Variants in ADAMTSL1 observed in about 807,000 individuals in gnomAD.
ADAMTSL1 encodes the protein ADAMTS-like protein 1.
ADAMTSL1 carries 126 observed loss-of-function variants against 201.8 expected under a neutral mutation model. The ratio of observed to expected loss-of-function variants is 0.62; its 90% CI spans 0.54 to 0.72. The LOEUF (loss-of-function observed/expected upper bound fraction) is 0.72. ADAMTSL1 is among the 30% of genes least tolerant of loss of function. ADAMTSL1 has a pLI of 0.00. For missense variants in ADAMTSL1, 2,679 were observed against 2,277.8 expected (o/e 1.18, Z -3.59); for synonymous variants, 1,121 against 903.4 (o/e 1.24, Z -4.32).
At chr9:18,855,356 C>G (rs1175442183) in intron 23 of ADAMTSL1, among the ~76,000 whole-genome samples, 1 of 152,084 alleles carries the variant, frequency 6.6e-6, no homozygotes, top group African/African-American at 2.4e-5. Flanking sequence ...AGGTAACATT[C>G]CTGAAAATAG....
chr9:18,244,692 C>T (rs1831191678), intron 2 of ADAMTSL1, among the ~76,000 whole-genome samples: 1 of 152,128 alleles, frequency 6.6e-6, no homozygotes, highest in Non-Finnish European at 1.5e-5. Flanking sequence ...TTGGTACATT[C>T]CAATTTTCTG....
chr9:18,433,311 C>G (rs1819579257), intron 2 of ADAMTSL1, among the ~76,000 whole-genome samples: 1 of 151,988 alleles, frequency 6.6e-6, no homozygotes. Context: ...TCAATGTGTG[C>G]GTTCTTTCCC....
At chr9:18,607,971 C>T (rs558000866) in intron 4 of ADAMTSL1, among the ~76,000 whole-genome samples, 2 of 152,206 alleles carry the variant, frequency 1.3e-5, no homozygotes, top group South Asian at 4.1e-4. Context: ...TTAATCTAGT[C>T]TATCATTGTC....
intron 2 of ADAMTSL1, among the ~76,000 whole-genome samples, chr9:18,317,758 C>T (rs1179312659): frequency 6.6e-6 from 1 of 152,186 alleles, no homozygotes; most frequent in Non-Finnish European, 1.5e-5. Context: ...TGCTTCTCCT[C>T]TGCAGAAGCA....
intron 16 of ADAMTSL1, 95 bp downstream of exon 16, chr9:18,753,603 A>G (rs1196862127): frequency 5.1e-5 from 69 of 1,359,054 alleles, no homozygotes; most frequent in Non-Finnish European, 7.0e-5. Flanking sequence ...CAGGGATGTT[A>G]AAGGGATGTT....
intron 1 of ADAMTSL1, among the ~76,000 whole-genome samples, chr9:18,134,585 A>G (rs1463557110): frequency 6.6e-6 from 1 of 152,182 alleles, no homozygotes; most frequent in East Asian, 1.9e-4. Context: ...CCATAGTACT[A>G]GACATTTAAC....
At chr9:18,516,993 A>G (rs79082803) in intron 2 of ADAMTSL1, among the ~76,000 whole-genome samples, 2,487 of 152,280 alleles carry the variant, frequency 0.016, 69 homozygotes, top group African/African-American at 0.057. Context: ...TAATTCATAA[A>G]TTTCTAGCTC....
chr9:18,278,724 A>C (rs779599089), intron 2 of ADAMTSL1, among the ~76,000 whole-genome samples: 85 of 152,120 alleles, frequency 5.6e-4, no homozygotes, highest in Non-Finnish European at 1.1e-3. Flanking sequence ...ATTTTCTGTC[A>C]TTATTTCTTT....
At chr9:18,400,778 C>A (rs1404740811) in intron 2 of ADAMTSL1, among the ~76,000 whole-genome samples, 2 of 152,124 alleles carry the variant, frequency 1.3e-5, no homozygotes, top group African/African-American at 4.8e-5. Flanking sequence ...ATATTAGGTA[C>A]CCCTTACATT....
At chr9:18,452,972 G>T (rs1446446567) in intron 2 of ADAMTSL1, among the ~76,000 whole-genome samples, 2 of 152,224 alleles carry the variant, frequency 1.3e-5, no homozygotes, top group Non-Finnish European at 2.9e-5. Context: ...GGTTCCAATA[G>T]GCTTTGTCAT....
chr9:17,986,943 T>C (rs959820142), intron 1 of ADAMTSL1, among the ~76,000 whole-genome samples: 2 of 152,114 alleles, frequency 1.3e-5, no homozygotes, highest in Non-Finnish European at 2.9e-5. Context: ...TTGGGTTTTC[T>C]TCTTATAGCC....
intron 1 of ADAMTSL1, among the ~76,000 whole-genome samples, chr9:18,025,520 C>T (rs1250732698): frequency 6.6e-6 from 1 of 151,954 alleles, no homozygotes; most frequent in African/African-American, 2.4e-5. Flanking sequence ...GTCCTTTCCC[C>T]ATTGCCTATT....
intron 1 of ADAMTSL1, among the ~76,000 whole-genome samples, chr9:17,994,208 C>T (rs1292763979): frequency 6.6e-6 from 1 of 151,974 alleles, no homozygotes; most frequent in Non-Finnish European, 1.5e-5. Flanking sequence ...TCATTCTGGC[C>T]AATGACAAGT....
At chr9:18,245,104 T>A (rs1831209618) in intron 2 of ADAMTSL1, among the ~76,000 whole-genome samples, 1 of 152,080 alleles carries the variant, frequency 6.6e-6, no homozygotes, top group African/African-American at 2.4e-5. Context: ...ATGGCAGGTG[T>A]TAGATCAGGG....
intron 2 of ADAMTSL1, among the ~76,000 whole-genome samples, chr9:18,464,098 T>C (rs1308830237): frequency 6.6e-6 from 1 of 152,248 alleles, no homozygotes; most frequent in Non-Finnish European, 1.5e-5. Context: ...TAGATGGTGA[T>C]AATGATTTAC....
At chr9:17,947,880 A>G (rs1827574060) in intron 1 of ADAMTSL1, among the ~76,000 whole-genome samples, 2 of 152,164 alleles carry the variant, frequency 1.3e-5, no homozygotes, top group South Asian at 2.1e-4. Context: ...AGAGTGATGG[A>G]TAAACACACC....
intron 19 of ADAMTSL1, among the ~76,000 whole-genome samples, chr9:18,794,511 G>A (rs765562766): frequency 2.6e-5 from 4 of 151,996 alleles, no homozygotes; most frequent in African/African-American, 7.2e-5. Flanking sequence ...ACTACACAGC[G>A]GCTGTGACAC....
chr9:18,890,862 A>ATCTT (rs1212272913), intron 25 of ADAMTSL1: 13 of 292,284 alleles, frequency 4.4e-5, no homozygotes, highest in Non-Finnish European at 7.4e-5. Context: ...TGAAGAAGAG[A>ATCTT]TCTTTGATGT....
At chr9:18,337,596 A>G (rs1835297002) in intron 2 of ADAMTSL1, among the ~76,000 whole-genome samples, 1 of 152,184 alleles carries the variant, frequency 6.6e-6, no homozygotes. Flanking sequence ...TCACACTGCT[A>G]GTAAGTGGCA....
Sources: allele counts gnomAD v4.1 joint callset (sites outside exome capture counted in the v4.1 genomes callset), GRCh38; gene constraint gnomAD v4.1.1; transcripts MANE v1.5; gene names NCBI Gene and HGNC (gene_info 2026-07-23, HGNC 2026-07-21).